Variants in PRELID2 observed in about 807,000 individuals in gnomAD.
PRELID2 encodes PRELI domain containing 2.
In PRELID2, 25 loss-of-function variants were observed where a neutral mutation model predicts 28.4. The ratio of observed to expected loss-of-function variants is 0.88; its 90% CI spans 0.64 to 1.23. The LOEUF is 1.23. Ranked by LOEUF, PRELID2 falls within the 50% of genes most tolerant of loss-of-function variation. The probability of loss-of-function intolerance (pLI) is 0.00; values close to 1 mark genes in which losing one functional copy is unlikely to be tolerated. For missense variants in PRELID2, 201 were observed against 214.4 expected (o/e 0.94, Z 0.39); for synonymous variants, 76 against 71.6 (o/e 1.06, Z -0.31).
the PRELID2 span, among the ~76,000 whole-genome samples, chr5:145,292,739 T>C: frequency 6.6e-6 from 1 of 152,090 alleles, no homozygotes; most frequent in African/African-American, 2.4e-5. Context: ...ACAGGGTCTC[T>C]CTCTATCATC....
rs568534960 is a variant in PRELID2, at chr5:145,514,599, A to G, written n.71-41284T>C. On this transcript the variant is annotated intron_variant and non_coding_transcript_variant, in intron 1 of 2. Transcript: ENST00000510259. ...TATTAGACAGATCAACAAGATAGAA[A>G]ATTAACAAGGATATTCAGGACTTGA... Among the ~76,000 whole-genome samples, 268 of 152,254 alleles carry G rather than the reference A, an allele frequency of 1.8e-3. 2 individuals are homozygous for G. The highest frequency in any genetic ancestry group is 6.2e-3 in the African/African-American group (257 of 41,548).
At chr5:145,233,443 A>G in the PRELID2 span, among the ~76,000 whole-genome samples, 1 of 152,088 alleles carries the variant, frequency 6.6e-6, no homozygotes, top group African/African-American at 2.4e-5. Flanking sequence ...TCATGAGGCT[A>G]TTGATACTGC....
At chr5:145,584,256 A>G (rs1753133176) in intron 1 of PRELID2, among the ~76,000 whole-genome samples, 2 of 152,072 alleles carry the variant, frequency 1.3e-5, no homozygotes, top group African/African-American at 4.8e-5. Flanking sequence ...TTGAAGCTGG[A>G]CCCCTTTCTT....
At chr5:145,591,133 A>C (rs965459109) in intron 1 of PRELID2, among the ~76,000 whole-genome samples, 29 of 151,296 alleles carry the variant, frequency 1.9e-4, no homozygotes, top group Admixed American at 1.9e-3. Flanking sequence ...CTGTCTCTAC[A>C]AAACATAAAA....
At position 145,518,263 on chromosome 5, in the gene PRELID2, G is replaced by A. The variant is rs537175625; in HGVS notation, n.71-44948C>T. ...CACCCAGGTTGGAGTGCAGTGGCAC[G>A]ATCTCAGCTCACTGCAACCTCTGCC... is the stretch of plus-strand genomic sequence containing the variant. On this transcript the variant is annotated intron_variant and non_coding_transcript_variant, in intron 1 of 2. Coordinates refer to the PRELID2 transcript ENST00000510259. 5.9e-5 allele frequency among the ~76,000 whole-genome samples: 9 copies of A among 151,902 alleles called. No individual in the cohort carries two copies. In the South Asian group the frequency reaches 1.0e-3, roughly 18 times the overall value.
At chr5:145,731,886 T>G (rs1465433566) in intron 1 of PRELID2, among the ~76,000 whole-genome samples, 3 of 152,146 alleles carry the variant, frequency 2.0e-5, no homozygotes, top group African/African-American at 7.2e-5. Context: ...GCCTCTGAAT[T>G]ATCTCCTAGA....
chr5:145,733,147 C>T (rs1417548650), intron 1 of PRELID2, among the ~76,000 whole-genome samples: 2 of 151,544 alleles, frequency 1.3e-5, no homozygotes, highest in Non-Finnish European at 2.9e-5. Flanking sequence ...CCCAGCTACT[C>T]GCTACTCGAG....
chr5:145,568,798 C>T (rs887719319), intron 1 of PRELID2, among the ~76,000 whole-genome samples: 1 of 152,176 alleles, frequency 6.6e-6, no homozygotes, highest in Non-Finnish European at 1.5e-5. Context: ...CATGCTAGCA[C>T]AATACTACTC....
At chr5:145,620,579 T>A (rs6875249) in intron 1 of PRELID2, among the ~76,000 whole-genome samples, 26,629 of 151,904 alleles carry the variant, frequency 0.18, 3,859 homozygotes, top group African/African-American at 0.38. Flanking sequence ...AAATTTTTTT[T>A]AAAAAGTCCA....
At chr5:145,387,076 T>A in the PRELID2 span, among the ~76,000 whole-genome samples, 1 of 152,168 alleles carries the variant, frequency 6.6e-6, no homozygotes, top group East Asian at 1.9e-4. Flanking sequence ...AGTCAATAAA[T>A]CAATAGATAT....
the PRELID2 span, among the ~76,000 whole-genome samples, chr5:145,335,996 T>A: frequency 1.3e-5 from 2 of 152,238 alleles, no homozygotes; most frequent in Non-Finnish European, 2.9e-5. Context: ...CTCATTGTGG[T>A]TTTGATTTGC....
chr5:145,512,192 G>C (rs1475132568), intron 1 of PRELID2, among the ~76,000 whole-genome samples: 1 of 125,622 alleles, frequency 8.0e-6, no homozygotes, highest in African/African-American at 3.0e-5. Flanking sequence ...GCTCCAGGCT[G>C]CAGCTCCCAG....
At chr5:145,399,704 T>C in the PRELID2 span, among the ~76,000 whole-genome samples, 1 of 152,248 alleles carries the variant, frequency 6.6e-6, no homozygotes, top group East Asian at 1.9e-4. Flanking sequence ...GAGAAAGACA[T>C]ACCCAAGACT....
At chr5:145,736,423 T>A (rs1409662460) in intron 1 of PRELID2, among the ~76,000 whole-genome samples, 1 of 152,152 alleles carries the variant, frequency 6.6e-6, no homozygotes, top group African/African-American at 2.4e-5. Context: ...ACTACTAGCC[T>A]CAAGTGATAT....
At chr5:145,426,486 C>G in the PRELID2 span, among the ~76,000 whole-genome samples, 2 of 152,056 alleles carry the variant, frequency 1.3e-5, no homozygotes, top group African/African-American at 4.8e-5. Context: ...CATGAAGGTC[C>G]AACTATGAGG....
chr5:145,352,027 C>T, the PRELID2 span, among the ~76,000 whole-genome samples: 1 of 152,188 alleles, frequency 6.6e-6, no homozygotes, highest in Non-Finnish European at 1.5e-5. Flanking sequence ...GTCTCAGGTG[C>T]TTTCATGGGC....
At chr5:145,496,795 C>T (rs1387245598) in intron 1 of PRELID2, among the ~76,000 whole-genome samples, 1 of 152,010 alleles carries the variant, frequency 6.6e-6, no homozygotes, top group East Asian at 1.9e-4. Flanking sequence ...CCCCCTTGGT[C>T]CTTCATAGGT....
At chr5:145,636,244 A>T (rs1754000526) in intron 1 of PRELID2, among the ~76,000 whole-genome samples, 1 of 146,310 alleles carries the variant, frequency 6.8e-6, no homozygotes, top group Non-Finnish European at 1.5e-5. Flanking sequence ...CACTCAGCTA[A>T]GAAGTAGAAG....
intron 1 of PRELID2, among the ~76,000 whole-genome samples, chr5:145,731,176 T>C (rs1756335614): frequency 6.6e-6 from 1 of 152,250 alleles, no homozygotes; most frequent in Non-Finnish European, 1.5e-5. Flanking sequence ...AAAGCATATA[T>C]TTGCATTTCA....
Sources: allele counts gnomAD v4.1 joint callset (sites outside exome capture counted in the v4.1 genomes callset), GRCh38; gene constraint gnomAD v4.1.1; transcripts MANE v1.5; gene names NCBI Gene and HGNC (gene_info 2026-07-23, HGNC 2026-07-21).